The following RAB28 variants were observed in gnomAD, a reference collection of about 807,000 sequenced individuals.
The protein encoded by RAB28 is RAB28, member RAS oncogene family, also known as ras-related protein Rab-28.
Under a neutral mutation model 31.7 loss-of-function variants are expected in RAB28, and 24 were observed. The observed-to-expected ratio is 0.76, with a 90% CI of 0.55 to 1.06. RAB28 has a LOEUF of 1.06. RAB28 is among the 50% of genes least tolerant of loss of function. RAB28 has a pLI of 0.00. For missense variants in RAB28, 254 were observed against 258.5 expected (o/e 0.98, Z 0.12); for synonymous variants, 100 against 90.4 (o/e 1.11, Z -0.60).
intron 6 of RAB28, chr4:13,371,943 C>G (rs2108873806): frequency 7.3e-7 from 1 of 1,377,298 alleles, no homozygotes; most frequent in East Asian, 2.5e-5. Flanking sequence ...CAAGTGTATA[C>G]TGGAAATGGA....
chr4:13,388,472 T>C (rs571168235), intron 4 of RAB28, among the ~76,000 whole-genome samples: 2 of 152,158 alleles, frequency 1.3e-5, no homozygotes, highest in East Asian at 3.9e-4. Context: ...GGTGATTTCT[T>C]GGACATGACA....
rs535947615 is a variant in RAB28, at chr4:13,382,859, C to T, written c.392-1265G>A. ...GATTACAGGCGCCTGCCACCACGCC[C>T]GGCTAATTTTTTGTATTTTTAGTAG... On this transcript the variant is annotated intron_variant, in intron 4 of 6. Coordinates refer to ENST00000330852, the MANE Select transcript of RAB28 (RefSeq NM_001017979.3). Among the ~76,000 whole-genome samples, 38 of 151,840 alleles carry T rather than the reference C, an allele frequency of 2.5e-4. 1 individual carries two copies. In the East Asian group the frequency reaches 6.4e-3, roughly 26 times the overall value.
intron 4 of RAB28, among the ~76,000 whole-genome samples, chr4:13,408,148 T>C (rs1209406482): frequency 2.0e-5 from 3 of 152,180 alleles, no homozygotes; most frequent in African/African-American, 4.8e-5. Flanking sequence ...GGCTGTGGGT[T>C]TGTCATAAAT....
At chr4:13,463,317 A>G (rs942417421) in intron 3 of RAB28, among the ~76,000 whole-genome samples, 1 of 152,182 alleles carries the variant, frequency 6.6e-6, no homozygotes, top group African/African-American at 2.4e-5. Flanking sequence ...TCTACTGATA[A>G]TCAGTACAGG....
chr4:13,369,970 C>T (rs753686972), intron 6 of RAB28: 5 of 1,605,622 alleles, frequency 3.1e-6, no homozygotes, highest in Non-Finnish European at 4.2e-6. Flanking sequence ...AATACGCTGT[C>T]AATTCCATAC....
chr4:13,484,090 C>A lies in RAB28; in HGVS notation c.61G>T (p.Gly21Cys). ...CGAGGACTGACCTTCCCGGAGGCGC[C>A]GTCCCCCAGCACGACGATTTTCAGT... The part of the protein sequence containing the change: ...RQLKIVVLGD[G>C]ASGKTSLTTC... Residue 21 changes from glycine (G) to cysteine (C), a missense_variant, in exon 1 of 7, where the codon GGC becomes TGC. Coordinates refer to ENST00000330852, the MANE Select transcript of RAB28 (RefSeq NM_001017979.3). 6.2e-7 allele frequency: 1 copy of A among 1,600,462 alleles called. No individual in the cohort carries two copies. The highest frequency in any genetic ancestry group is 8.5e-7 in the Non-Finnish European group (1 of 1,174,130).
chr4:13,484,022 G>T (rs1426559085), intron 1 of RAB28, 54 bp downstream of exon 1: 1 of 1,505,000 alleles, frequency 6.6e-7, no homozygotes, highest in African/African-American at 1.4e-5. Context: ...GAGGAGGCCG[G>T]GGACCGCCGG....
intron 4 of RAB28, among the ~76,000 whole-genome samples, chr4:13,442,193 C>A (rs1229053343): frequency 1.3e-5 from 2 of 152,118 alleles, no homozygotes; most frequent in Non-Finnish European, 1.5e-5. Context: ...ACCATATGTC[C>A]ACTGTGGATT....
chr4:13,473,729 A>G, intron 3 of RAB28: 1 of 283,474 alleles, frequency 3.5e-6, no homozygotes, highest in South Asian at 3.2e-5. Flanking sequence ...GTAATTATTC[A>G]GGTCATTTTT....
At chr4:13,450,540 A>G (rs1314474606) in intron 4 of RAB28, among the ~76,000 whole-genome samples, 1 of 151,936 alleles carries the variant, frequency 6.6e-6, no homozygotes, top group Non-Finnish European at 1.5e-5. Flanking sequence ...GTCTGCATGA[A>G]AAGGCTTTTA....
chr4:13,483,289 C>G (rs1436721541), intron 1 of RAB28, among the ~76,000 whole-genome samples: 1 of 152,124 alleles, frequency 6.6e-6, no homozygotes, highest in Non-Finnish European at 1.5e-5. Flanking sequence ...TATTCTCACG[C>G]CCGCATTCAT....
At chr4:13,453,015 T>C (rs1047443346) in intron 4 of RAB28, among the ~76,000 whole-genome samples, 6 of 152,286 alleles carry the variant, frequency 3.9e-5, no homozygotes, top group Middle Eastern at 3.4e-3. Flanking sequence ...CTTTTATTAT[T>C]ATATGATGTC....
intron 4 of RAB28, among the ~76,000 whole-genome samples, chr4:13,412,149 G>C (rs1046601420): frequency 6.6e-6 from 1 of 152,156 alleles, no homozygotes; most frequent in Non-Finnish European, 1.5e-5. Flanking sequence ...GCTGACACAT[G>C]TAAAATCAAG....
At position 13,473,923 on chromosome 4, in the gene RAB28, T is replaced by C. The variant is rs16888706; in HGVS notation, c.261+395A>G. 2,786 of 362,144 alleles carry C rather than the reference T, an allele frequency of 7.7e-3. 81 individuals are homozygous for C. Among genetic ancestry groups the C allele is most frequent in the African/African-American group, 0.055 (2,570 of 46,840 alleles). The allele number at this position is 362,144 out of a possible 1,614,324, so 22.4% of individuals were successfully genotyped here. A position where few individuals can be genotyped will look rare whatever the true frequency, so the allele number is the denominator to read the frequency against. On this transcript the variant is annotated intron_variant, in intron 3 of 6. Coordinates refer to ENST00000330852, the MANE Select transcript of RAB28 (RefSeq NM_001017979.3). ...GCACAAAAACATAGACATATAGATA[T>C]ACTTTCAGTCCTTGTAACTTAAAAT...
At chr4:13,371,563 C>T (rs1025461770) in intron 6 of RAB28, 20 of 985,062 alleles carry the variant, frequency 2.0e-5, no homozygotes, top group Middle Eastern at 5.2e-4. Context: ...GAAGAATTAA[C>T]AAGACAGCAT....
chr4:13,483,394 G>A (rs542791259), intron 1 of RAB28, among the ~76,000 whole-genome samples: 17 of 152,224 alleles, frequency 1.1e-4, no homozygotes, highest in African/African-American at 4.1e-4. Context: ...TTGACTGACT[G>A]CTTGTATCGA....
intron 2 of RAB28, among the ~76,000 whole-genome samples, chr4:13,477,615 G>T (rs967922112): frequency 1.3e-5 from 2 of 150,478 alleles, no homozygotes; most frequent in Admixed American, 6.6e-5. Context: ...CCATAAGTTT[G>T]AGTCTGTTAA....
chr4:13,467,052 G>C (rs149567247), intron 3 of RAB28, among the ~76,000 whole-genome samples: 36 of 151,710 alleles, frequency 2.4e-4, no homozygotes, highest in Non-Finnish European at 4.1e-4. Context: ...ATAGTCAAAG[G>C]GTACAAAATC....
intron 6 of RAB28, among the ~76,000 whole-genome samples, chr4:13,369,579 T>C (rs1728638835): frequency 6.6e-6 from 1 of 152,118 alleles, no homozygotes; most frequent in Non-Finnish European, 1.5e-5. Context: ...AATAATGAAA[T>C]AACTGCCTCA....
Sources: gnomAD v4.1 joint callset for allele counts (sites outside exome capture counted in the v4.1 genomes callset) on GRCh38, gnomAD v4.1.1 for gene constraint, MANE v1.5 for transcripts, NCBI Gene and HGNC (gene_info 2026-07-23, HGNC 2026-07-21) for gene names.